Variants in KNDC1 observed in about 807,000 individuals in gnomAD.
KNDC1 encodes the protein kinase non-catalytic C-lobe domain-containing protein 1.
A neutral mutation model predicts 172.8 loss-of-function variants in KNDC1; 106 were observed. That is an observed-to-expected ratio of 0.61 (90% confidence interval 0.52 to 0.72). The LOEUF (loss-of-function observed/expected upper bound fraction) is 0.72. KNDC1 is among the 30% of genes least tolerant of loss of function. The pLI is 0.00. For missense variants in KNDC1, 2,325 were observed against 2,394.5 expected, an observed-to-expected ratio of 0.97 and a Z score of 0.61; for synonymous variants, 1,083 against 1,062.2, an observed-to-expected ratio of 1.02 and a Z score of -0.38.
At chr10:133,176,025 GATGGATGGATGA>G (rs1377540454) in intron 3 of KNDC1, among the ~76,000 whole-genome samples, 1 of 151,318 alleles carries the variant, frequency 6.6e-6, no homozygotes, top group East Asian at 2.0e-4. Flanking sequence ...TGGGTGGATG[GATGGATGGATGA>G]ATGGATAGAT....
chr10:133,171,659 CAG>C (rs918073998), intron 3 of KNDC1, among the ~76,000 whole-genome samples: 1 of 152,052 alleles, frequency 6.6e-6, no homozygotes, highest in African/African-American at 2.4e-5. Flanking sequence ...TCTTTCGAGA[CAG>C]GGTGCAGCAC....
intron 1 of KNDC1, among the ~76,000 whole-genome samples, chr10:133,161,577 C>T (rs1387099359): frequency 1.3e-5 from 2 of 152,150 alleles, no homozygotes; most frequent in Non-Finnish European, 2.9e-5. Flanking sequence ...GGTTCAGCCC[C>T]AGGAGGCCCT....
chr10:133,199,250 G>A lies in KNDC1; in HGVS notation c.2742G>A (p.Leu914=). 1.9e-6 allele frequency: 3 copies of A among 1,561,590 alleles called. No individual in the cohort carries two copies. Among genetic ancestry groups the A allele is most frequent in the East Asian group, 2.3e-5 (1 of 43,072 alleles). ...FAFDGYLDNG[L]EALIMGEYIF... ...TCGATGGCTACCTGGACAATGGGCT[G>A]GAGGCTCTGATCATGGGTACGTGGG... Residue 914 remains leucine, a synonymous_variant, in exon 14 of 30, where the codon CTG becomes CTA. Transcript: ENST00000304613.
Position 133,183,895 on chromosome 10 carries a change from G to T in KNDC1, c.531G>T (p.Glu177Asp). Residue 177 changes from glutamate to aspartate, a missense_variant, in exon 5 of 30, where the codon GAG becomes GAT. By Grantham distance (45) the Glu-to-Asp change is conservative. Coordinates refer to ENST00000304613, the MANE Select transcript of KNDC1 (RefSeq NM_152643.8). ...DLESIIALCE[E>D]KLQLTSSCRV... Reference sequence around the variant, plus strand: ...AGAGCATCATCGCGCTGTGTGAAGAGAAGCTGCAGCTCACATCCTCCTGTC... The same window carrying T: ...AGAGCATCATCGCGCTGTGTGAAGATAAGCTGCAGCTCACATCCTCCTGTC... The T allele has an allele frequency of 6.3e-7, 1 of 1,599,278 alleles. No individual in the cohort carries two copies. Among genetic ancestry groups the T allele is most frequent in the Non-Finnish European group, 8.6e-7 (1 of 1,168,880 alleles).
intron 23 of KNDC1, 41 bp downstream of exon 23, chr10:133,211,899 G>C (rs1461044066): frequency 6.4e-7 from 1 of 1,564,304 alleles, no homozygotes; most frequent in Non-Finnish European, 8.6e-7. Flanking sequence ...TGGACAGGCG[G>C]ATGTGGGTCC....
chr10:133,184,599 CCG>C (rs1853838505), intron 5 of KNDC1, among the ~76,000 whole-genome samples: 1 of 152,260 alleles, frequency 6.6e-6, no homozygotes, highest in South Asian at 2.1e-4. Flanking sequence ...CATTACACAC[CCG>C]CTCTCATGCC....
intron 3 of KNDC1, among the ~76,000 whole-genome samples, chr10:133,180,376 G>A (rs938906717): frequency 6.6e-6 from 1 of 152,212 alleles, no homozygotes; most frequent in East Asian, 1.9e-4. Context: ...CCTCGCCCGC[G>A]GCCATGCAGA....
chr10:133,209,876 G>A lies in KNDC1; in HGVS notation c.3795-735G>A, dbSNP rs560803879. ...CTTGCCAGGCCTCCGCTTCCTGACC[G>A]TGGCCGTCGGGCTCCCAGGACAGTC... On this transcript the variant is annotated intron_variant, in intron 20 of 29. Coordinates refer to ENST00000304613, the MANE Select transcript of KNDC1 (RefSeq NM_152643.8). The surrounding 1 kb of genome is among the most constrained non-coding windows in gnomAD (Gnocchi z 4.9). 1.3e-5 allele frequency among the ~76,000 whole-genome samples: 2 copies of A among 152,194 alleles called. No individual in the cohort carries two copies. Among genetic ancestry groups the A allele is most frequent in the East Asian group, 1.9e-4 (1 of 5,164 alleles).
intron 20 of KNDC1, 71 bp downstream of exon 20, chr10:133,207,422 G>T: frequency 7.2e-7 from 1 of 1,380,964 alleles, no homozygotes; most frequent in Non-Finnish European, 1.0e-6. Flanking sequence ...GGGGGAACGT[G>T]CCCTCGCCAG....
intron 11 of KNDC1, 126 bp downstream of exon 11, chr10:133,197,261 G>A (rs1450888869): frequency 5.5e-6 from 4 of 730,896 alleles, no homozygotes; most frequent in Non-Finnish European, 9.4e-6. Context: ...CCACCGAGCT[G>A]TGGGTGGGTG....
At position 133,165,899 on chromosome 10, in the gene KNDC1, G is replaced by A. The variant is rs115067273; in HGVS notation, c.103-1482G>A. On this transcript the variant is annotated intron_variant, in intron 1 of 29. Coordinates refer to ENST00000304613, the MANE Select transcript of KNDC1 (RefSeq NM_152643.8). ...GGAGATTCCCGCCATAGAAAGAGCT[G>A]GAAGGGCCTGGGAAATGATGTCATC... is the stretch of plus-strand genomic sequence containing the variant. 6.5e-3 allele frequency among the ~76,000 whole-genome samples: 995 copies of A among 152,282 alleles called. 12 individuals are homozygous for A. Among genetic ancestry groups the A allele is most frequent in the African/African-American group, 0.023 (943 of 41,550 alleles).
At chr10:133,198,101 C>G (rs990746721) in intron 12 of KNDC1, among the ~76,000 whole-genome samples, 4 of 152,208 alleles carry the variant, frequency 2.6e-5, no homozygotes, top group Admixed American at 2.6e-4. Context: ...CCCTCCAAGG[C>G]TTCTGGTGGG....
At chr10:133,200,172 G>A (rs539775491) in intron 15 of KNDC1, among the ~76,000 whole-genome samples, 4 of 152,296 alleles carry the variant, frequency 2.6e-5, no homozygotes, top group East Asian at 1.9e-4. Context: ...GGCTGCTCCC[G>A]AGTCCCCCCA....
At chr10:133,188,691 AC>A in intron 7 of KNDC1, 38 bp downstream of exon 7, 8 of 733,538 alleles carry the variant, frequency 1.1e-5, no homozygotes, top group Non-Finnish European at 1.4e-5. Context: ...CGCCGTCCCC[AC>A]CCCCCACTGC....
At chr10:133,186,729 G>T in intron 6 of KNDC1, 55 bp downstream of exon 6, 1 of 1,310,524 alleles carries the variant, frequency 7.6e-7, no homozygotes, top group Non-Finnish European at 1.0e-6. Context: ...GTGAGTCCGG[G>T]GCCGGGCCTC....
chr10:133,217,505 G>A (rs1223321147), intron 26 of KNDC1, among the ~76,000 whole-genome samples: 3 of 152,094 alleles, frequency 2.0e-5, no homozygotes, highest in Admixed American at 2.0e-4. Context: ...GGCAGATCAC[G>A]AGGTCAGGAG....
chr10:133,201,948 A>G, intron 17 of KNDC1, 50 bp downstream of exon 17: 2 of 1,516,610 alleles, frequency 1.3e-6, no homozygotes, highest in Non-Finnish European at 1.8e-6. Flanking sequence ...GTCTCCTTCC[A>G]GCAGAGCTTC....
At position 133,198,584 on chromosome 10, in the gene KNDC1, G is replaced by A; in HGVS notation, c.2076G>A (p.Gln692=). The change falls in exon 14 of 30, where the codon CAG becomes CAA. Residue 692 remains glutamine (Q), a synonymous_variant. Transcript: ENST00000304613. ...LAQNASVARD[Q]PALAQEESEE... is the part of the protein sequence containing the mutation. ...AGCTCTGCTCCTCCCGTAGGGACCA[G>A]CCTGCCTTGGCCCAGGAGGAGTCCG... The A allele has an allele frequency of 6.3e-7, 1 of 1,589,014 alleles. No individual in the cohort carries two copies. The highest frequency in any genetic ancestry group is 8.6e-7 in the Non-Finnish European group (1 of 1,166,032).
In KNDC1 at chr10:133,167,576, AGCGGTGAGGCG is replaced by A. The variant is rs1853211825; in HGVS notation, c.301+4_301+14del. On this transcript the variant is annotated splice_donor_variant and splice_donor_5th_base_variant and coding_sequence_variant and intron_variant, in exon 2 of 30. Coordinates refer to ENST00000304613, the MANE Select transcript of KNDC1 (RefSeq NM_152643.8). LOFTEE classifies it high-confidence loss of function. Reference sequence around the variant, plus strand: ...GAACGTGTGTTTCATGGAGCAGCTCAGCGGTGAGGCGGCGGTGGCGGTGGCGGCGGCGGCGG... The same window carrying A: ...GAACGTGTGTTTCATGGAGCAGCTCAGCGGTGGCGGTGGCGGCGGCGGCGG... 1 of 1,586,088 alleles carries A rather than the reference AGCGGTGAGGCG, an allele frequency of 6.3e-7. No homozygotes were observed. The highest frequency in any genetic ancestry group is 1.3e-5 in the African/African-American group (1 of 74,362).
Sources: allele counts gnomAD v4.1 joint callset (sites outside exome capture counted in the v4.1 genomes callset), GRCh38; gene constraint gnomAD v4.1.1; non-coding constraint Gnocchi (gnomAD v3.1); transcripts MANE v1.5; gene names NCBI Gene and HGNC (gene_info 2026-07-23, HGNC 2026-07-21).